Variants in EPHA10 observed in about 807,000 individuals in gnomAD.
EPHA10 encodes EPH receptor A10, also known as ephrin type-A receptor 10.
A neutral mutation model predicts 109.7 loss-of-function variants in EPHA10; 120 were observed. The ratio of observed to expected loss-of-function variants is 1.09; its 90% CI spans 0.94 to 1.27. The LOEUF (loss-of-function observed/expected upper bound fraction) is 1.27, where lower values mean the gene tolerates loss of function less well. Ranked by LOEUF, EPHA10 falls within the 50% of genes most tolerant of loss-of-function variation. The pLI is 0.00. For missense variants in EPHA10, 1,396 were observed against 1,411.1 expected, an observed-to-expected ratio of 0.99 and a Z score of 0.17; for synonymous variants, 640 against 618.9, an observed-to-expected ratio of 1.03 and a Z score of -0.51.
At chr1:37,721,486 C>T (rs56219047) in intron 11 of EPHA10, among the ~76,000 whole-genome samples, 174 bp downstream of exon 11, 2 of 151,980 alleles carry the variant, frequency 1.3e-5, no homozygotes, top group Non-Finnish European at 2.9e-5. Context: ...CCAGAGTGGC[C>T]GCTCCAGGAG....
chr1:37,726,453 G>C lies in EPHA10; in HGVS notation c.1772+649C>G, dbSNP rs996399121. The stretch of plus-strand genomic sequence containing the variant: ...GAGATGTGGCTCCCCAGCCCGCCCA[G>C]CCTGGGACCCATCTGGGCGACTCTG... On this transcript the variant is annotated intron_variant, in intron 8 of 16. Coordinates refer to ENST00000373048, the MANE Select transcript of EPHA10 (RefSeq NM_001099439.2). Among the ~76,000 whole-genome samples the C allele has an allele frequency of 2.4e-4, 37 of 152,342 alleles. 3 individuals carry two copies. The highest frequency in any genetic ancestry group is 1.7e-3 in the East Asian group (9 of 5,174).
chr1:37,727,361 C>T (rs905142718), intron 7 of EPHA10, 151 bp from the exon 8 acceptor site: 6 of 573,314 alleles, frequency 1.0e-5, no homozygotes, highest in Admixed American at 3.7e-5. Flanking sequence ...CAAGGCAGTC[C>T]CACTGACCAC....
intron 15 of EPHA10, 47 bp from the exon 16 acceptor site, chr1:37,718,863 C>A: frequency 6.4e-7 from 1 of 1,560,388 alleles, no homozygotes. Flanking sequence ...GGATCTGGGC[C>A]CACACCTGGT....
chr1:37,736,412 G>T (rs968536363), intron 5 of EPHA10, among the ~76,000 whole-genome samples: 2 of 149,134 alleles, frequency 1.3e-5, no homozygotes, highest in Non-Finnish European at 3.0e-5. Context: ...GGAGGTGGAG[G>T]TTGCAGTGAG....
chr1:37,749,731 C>T (rs1430528606), intron 5 of EPHA10, among the ~76,000 whole-genome samples: 1 of 151,880 alleles, frequency 6.6e-6, no homozygotes, highest in Non-Finnish European at 1.5e-5. Flanking sequence ...ATTACATATA[C>T]CATCATGCAT....
chr1:37,722,516 C>A (rs993670557), intron 10 of EPHA10, among the ~76,000 whole-genome samples: 2 of 152,212 alleles, frequency 1.3e-5, no homozygotes, highest in Admixed American at 1.3e-4. Context: ...GGAAGAAAGG[C>A]TAGCAGAAGA....
intron 3 of EPHA10, among the ~76,000 whole-genome samples, chr1:37,757,667 T>C (rs1224878467): frequency 6.6e-6 from 1 of 151,300 alleles, no homozygotes; most frequent in Admixed American, 6.6e-5. Flanking sequence ...CTGAGTCTCT[T>C]TCTCTCTCTC....
At chr1:37,722,725 C>T in intron 10 of EPHA10, 1 of 462,190 alleles carries the variant, frequency 2.2e-6, no homozygotes, top group South Asian at 1.9e-5. Flanking sequence ...TGTCTGGCCC[C>T]TAAGCTTGCA....
rs1235579555 is a variant in EPHA10, at chr1:37,754,394, G to T, written c.851-24C>A. On this transcript the variant is annotated intron_variant, in intron 3 of 16. Transcript: ENST00000373048. The surrounding 1 kb of genome is among the most constrained non-coding windows in gnomAD (Gnocchi z 4.5). ...GGCTGCAGGGCATGGCTGGTGAGAA[G>T]AGGGGGCTCCTCCAGTTTCTCCCCG... 36 of 1,285,816 alleles carry T rather than the reference G, an allele frequency of 2.8e-5. No individual in the cohort carries two copies. Among genetic ancestry groups the T allele is most frequent in the Non-Finnish European group, 3.2e-5 (32 of 1,012,434 alleles). The allele number at this position is 1,285,816 out of a possible 1,614,324, so 79.7% of individuals were successfully genotyped here.
rs1468195476 is a variant in EPHA10 at position 37,761,435 on chromosome 1, C to T, written c.820G>A (p.Gly274Arg). ...CAGAAGTCACCACGCTCCTGGAATC[C>T]CGCGCTGCAGCTGCAGCGGCCCACA... ...VPVGRCSCSA[G>R]FQERGDFCEA... The change falls in exon 3 of 17, where the codon GGA becomes AGA. Residue 274 changes from glycine to arginine, a missense_variant. By Grantham distance (125) the Gly-to-Arg change is moderately radical. Transcript: ENST00000373048. 1.9e-6 allele frequency: 3 copies of T among 1,599,626 alleles called. No individual in the cohort carries two copies. The highest frequency in any genetic ancestry group is 1.7e-6 in the Non-Finnish European group (2 of 1,179,744).
chr1:37,742,587 T>TCTTGCTTGA, intron 5 of EPHA10, among the ~76,000 whole-genome samples: 1 of 68,454 alleles, frequency 1.5e-5, no homozygotes, highest in African/African-American at 4.4e-5. Context: ...AATGGCAGAG[T>TCTTGCTTGA]GGACAGACAG....
rs1646461739 is a variant in EPHA10, at chr1:37,764,895, C to T, written c.106+66G>A. 7 of 1,427,016 alleles carry T rather than the reference C, an allele frequency of 4.9e-6. No individual in the cohort carries two copies. Among genetic ancestry groups the T allele is most frequent in the South Asian group, 1.2e-5 (1 of 80,912 alleles). The allele number at this position is 1,427,016 out of a possible 1,614,324, so 88.4% of individuals were successfully genotyped here. A position where few individuals can be genotyped will look rare whatever the true frequency, so the allele number is the denominator to read the frequency against. ...TCTCCAATGACTCCTTCCCCCAGAA[C>T]CCCCATCGCCAGCCCCCTATCTTTT... is the stretch of plus-strand genomic sequence containing the variant. On this transcript the variant is annotated intron_variant, in intron 1 of 16. Transcript: ENST00000373048. This position sits in a 1 kb window ranked among gnomAD's most constrained non-coding sequence, Gnocchi z 5.8.
In EPHA10 at chr1:37,763,298, C is replaced by T. The variant is rs971612791; in HGVS notation, c.107-449G>A. Among the ~76,000 whole-genome samples the T allele has an allele frequency of 7.2e-5, 11 of 152,228 alleles. 1 individual carries two copies. The highest frequency in any genetic ancestry group is 6.2e-4 in the South Asian group (3 of 4,816). ...AGTCCCTAGCTTGTGGTCCCCTCCT[C>T]CATCTTCAAATCACATCACTTTAAT... is the stretch of plus-strand genomic sequence containing the variant. On this transcript the variant is annotated intron_variant, in intron 1 of 16. Transcript: ENST00000373048.
Position 37,754,099 on chromosome 1 carries a change from C to T in EPHA10, c.1006+116G>A. 8.7e-7 allele frequency: 1 copy of T among 1,143,440 alleles called. No individual in the cohort carries two copies. The highest frequency in any genetic ancestry group is 3.3e-4 in the Middle Eastern group (1 of 3,022). 70.8% of individuals were successfully genotyped at this position (1,143,440 alleles called of 1,614,324 possible). A position where few individuals can be genotyped will look rare whatever the true frequency, so the allele number is the denominator to read the frequency against. On this transcript the variant is annotated intron_variant, in intron 4 of 16. Coordinates refer to ENST00000373048, the MANE Select transcript of EPHA10 (RefSeq NM_001099439.2). The surrounding 1 kb of genome is among the most constrained non-coding windows in gnomAD (Gnocchi z 4.5). ...CTTCCGGGGCGCTGGCCCCCATATCCGCCCACGTGCGCCCCAGTGCGGAGA... is the reference window on the plus strand; with the variant it reads ...CTTCCGGGGCGCTGGCCCCCATATCTGCCCACGTGCGCCCCAGTGCGGAGA...
chr1:37,751,226 G>GAAAGAA (rs1338414465), intron 5 of EPHA10, among the ~76,000 whole-genome samples: 1 of 83,888 alleles, frequency 1.2e-5, no homozygotes, highest in African/African-American at 4.2e-5. Flanking sequence ...AAGAAAGAAA[G>GAAAGAA]AAAGAAAAAG....
At chr1:37,735,085 C>T (rs1031594125) in intron 6 of EPHA10, among the ~76,000 whole-genome samples, 172 bp downstream of exon 6, 2 of 152,074 alleles carry the variant, frequency 1.3e-5, no homozygotes, top group African/African-American at 4.8e-5. Flanking sequence ...GGAGGAAGAG[C>T]AGGAGTCCGG....
At chr1:37,755,700 G>A (rs1646387784) in intron 3 of EPHA10, among the ~76,000 whole-genome samples, 1 of 152,114 alleles carries the variant, frequency 6.6e-6, no homozygotes, top group Non-Finnish European at 1.5e-5. Flanking sequence ...AAACCACCTA[G>A]CCCAGTACCA....
intron 15 of EPHA10, 97 bp from the exon 16 acceptor site, chr1:37,718,913 AG>A: frequency 6.9e-7 from 1 of 1,454,408 alleles, no homozygotes; most frequent in Non-Finnish European, 9.2e-7. Flanking sequence ...GGACAGGAGA[AG>A]GGGAGGGTAA....
Position 37,716,249 on chromosome 1 carries a change from G to T in EPHA10, c.*2123C>A. The T allele has an allele frequency of 3.4e-6, 1 of 292,742 alleles. No individual in the cohort carries two copies. Among genetic ancestry groups the T allele is most frequent in the South Asian group, 5.6e-5 (1 of 17,728 alleles). The allele number at this position is 292,742 out of a possible 1,614,324, so 18.1% of individuals were successfully genotyped here. A position where few individuals can be genotyped will look rare whatever the true frequency, so the allele number is the denominator to read the frequency against. ...GGACCTCACTCCTCAGTGGAGGGGA[G>T]ATCTACCCTGGACACCGAAGTCCTG... On this transcript the variant is annotated 3_prime_UTR_variant, in exon 17 of 17. Transcript: ENST00000373048.
Sources: allele counts gnomAD v4.1 joint callset (sites outside exome capture counted in the v4.1 genomes callset), GRCh38; gene constraint gnomAD v4.1.1; non-coding constraint Gnocchi (gnomAD v3.1); transcripts MANE v1.5; gene names NCBI Gene and HGNC (gene_info 2026-07-23, HGNC 2026-07-21).